Variants in CTNNA3 observed in about 807,000 individuals in gnomAD.
The protein encoded by CTNNA3 is catenin alpha 3.
Under a neutral mutation model 95.7 loss-of-function variants are expected in CTNNA3, and 76 were observed. That is an observed-to-expected ratio of 0.79 (90% CI 0.66 to 0.96). The LOEUF (loss-of-function observed/expected upper bound fraction) is 0.96. Among genes scored for constraint, CTNNA3 ranks in the 40% least tolerant of loss-of-function variants. The probability of loss-of-function intolerance (pLI) is 0.00; values close to 1 mark genes in which losing one functional copy is unlikely to be tolerated. For missense variants in CTNNA3, 1,191 were observed against 1,089.8 expected (o/e 1.09, Z -1.31); for synonymous variants, 431 against 374.4 (o/e 1.15, Z -1.74).
rs1398330004 is a variant in CTNNA3 at position 67,711,956 on chromosome 10, C to G, written c.-2+51478G>C. Among the ~76,000 whole-genome samples the G allele has an allele frequency of 2.0e-5, 3 of 152,094 alleles. No individual in the cohort carries two copies. The East Asian group carries it at 5.8e-4, about 29-fold the overall frequency. On this transcript the variant is annotated intron_variant, in intron 1 of 17. Coordinates refer to the CTNNA3 transcript ENST00000684154. ...GCATAGTATTCCAAACTAGTTCAAC[C>G]ATTGTGGAAGTCAGTGTGGAGATTC... is the stretch of plus-strand genomic sequence containing the variant.
intron 12 of CTNNA3, among the ~76,000 whole-genome samples, chr10:66,366,132 T>C (rs560241744): frequency 1.3e-5 from 2 of 152,248 alleles, no homozygotes; most frequent in African/African-American, 4.8e-5. Context: ...TCTGTTGCAG[T>C]TCTCAGTTTT....
intron 10 of CTNNA3, among the ~76,000 whole-genome samples, chr10:66,567,618 C>T (rs1238123310): frequency 6.6e-6 from 1 of 151,360 alleles, no homozygotes; most frequent in African/African-American, 2.4e-5. Context: ...GTCTCTGTCT[C>T]GGGGAAAAAA....
At chr10:66,432,433 T>G (rs572193907) in intron 11 of CTNNA3, among the ~76,000 whole-genome samples, 10 of 152,232 alleles carry the variant, frequency 6.6e-5, no homozygotes, top group Middle Eastern at 3.4e-3. Flanking sequence ...CCAAGGCAGG[T>G]GGATCACGAG....
intron 2 of CTNNA3, among the ~76,000 whole-genome samples, chr10:67,646,667 C>G (rs979068269): frequency 1.3e-5 from 2 of 151,926 alleles, no homozygotes; most frequent in African/African-American, 2.4e-5. Context: ...CCAAGTAACC[C>G]TTGGGTTCTT....
intron 5 of CTNNA3, among the ~76,000 whole-genome samples, chr10:67,325,948 G>T (rs904880002): frequency 6.6e-6 from 1 of 151,990 alleles, no homozygotes; most frequent in Non-Finnish European, 1.5e-5. Flanking sequence ...GGATCTTCTT[G>T]TTGACTTGAC....
chr10:67,712,772 C>T (rs774922905), intron 1 of CTNNA3, among the ~76,000 whole-genome samples: 2 of 152,144 alleles, frequency 1.3e-5, no homozygotes, highest in Non-Finnish European at 2.9e-5. Context: ...ACACCTTATA[C>T]AAAAACTAAC....
At position 67,140,635 on chromosome 10, in the gene CTNNA3, C is replaced by T. The variant is rs746856388; in HGVS notation, c.1047+39682G>A. Among the ~76,000 whole-genome samples the T allele has an allele frequency of 1.2e-4, 18 of 152,226 alleles. No individual in the cohort carries two copies. In the South Asian group the frequency reaches 1.9e-3, roughly 16 times the overall value. On this transcript the variant is annotated intron_variant, in intron 7 of 17. Transcript: ENST00000433211. ...AGCTAAAATGTATGAAAAGCAAACA[C>T]GTTTATTTTTAAACTTCAATATGGC... is the stretch of plus-strand genomic sequence containing the variant.
chr10:66,253,633 A>T (rs905232053), intron 13 of CTNNA3, among the ~76,000 whole-genome samples: 1 of 152,128 alleles, frequency 6.6e-6, no homozygotes, highest in Admixed American at 6.5e-5. Context: ...TGGTGCTATG[A>T]AGGTTTCTTT....
intron 13 of CTNNA3, among the ~76,000 whole-genome samples, chr10:66,192,494 A>G (rs2086732059): frequency 6.6e-6 from 1 of 152,212 alleles, no homozygotes; most frequent in Admixed American, 6.5e-5. Flanking sequence ...CCACAAGTTC[A>G]TAATGGTCTC....
intron 13 of CTNNA3, among the ~76,000 whole-genome samples, chr10:66,215,831 C>T (rs893031593): frequency 6.6e-6 from 1 of 152,216 alleles, no homozygotes; most frequent in Non-Finnish European, 1.5e-5. Context: ...AGGCACAAGT[C>T]ATGTCTTGAC....
intron 7 of CTNNA3, among the ~76,000 whole-genome samples, chr10:66,851,737 A>T (rs997114361): frequency 2.0e-5 from 3 of 151,954 alleles, no homozygotes; most frequent in Non-Finnish European, 4.4e-5. Flanking sequence ...TGGCCTTACC[A>T]GAAGCTGAGC....
chr10:66,204,615 G>T (rs1471384), intron 13 of CTNNA3, among the ~76,000 whole-genome samples: 125,656 of 152,118 alleles, frequency 0.83, 52,030 homozygotes, highest in South Asian at 0.92. Context: ...TATAAATGAC[G>T]AGTATCCCTG....
At chr10:67,205,824 C>T (rs533981510) in intron 6 of CTNNA3, among the ~76,000 whole-genome samples, 1 of 152,146 alleles carries the variant, frequency 6.6e-6, no homozygotes, top group Non-Finnish European at 1.5e-5. Context: ...AGACACGTTA[C>T]CATTTACTTT....
chr10:66,220,303 A>G (rs1466513897), intron 13 of CTNNA3, among the ~76,000 whole-genome samples: 1 of 152,156 alleles, frequency 6.6e-6, no homozygotes, highest in Non-Finnish European at 1.5e-5. Context: ...TTTGTAGAAC[A>G]TATCTCTAAC....
intron 9 of CTNNA3, among the ~76,000 whole-genome samples, chr10:66,701,424 T>A (rs1358531153): frequency 2.6e-5 from 4 of 152,172 alleles, no homozygotes; most frequent in Non-Finnish European, 5.9e-5. Context: ...CTCCATTAAA[T>A]CTACAGATCA....
chr10:66,379,157 C>G lies in CTNNA3; in HGVS notation c.1727G>C (p.Ser576Thr), dbSNP rs1354334037. 1.2e-6 allele frequency: 2 copies of G among 1,613,240 alleles called. No homozygotes were observed. The highest frequency in any genetic ancestry group is 3.3e-5 in the Admixed American group (2 of 59,980). Residue 576 changes from serine to threonine, a missense_variant, in exon 12 of 18, where the codon AGT becomes ACT. Physicochemically the swap from Ser to Thr is moderately conservative, Grantham distance 58. Transcript: ENST00000433211. Reference sequence around the variant, plus strand: ...GTTATTGGCAACTGACTTACCAGTACTTGTAAGGAAGTTAACATTTCTCAT... The same window carrying G: ...GTTATTGGCAACTGACTTACCAGTAGTTGTAAGGAAGTTAACATTTCTCAT... ...GVMRNVNFLT[S>T]TVIPEFVTQV...
intron 2 of CTNNA3, among the ~76,000 whole-genome samples, chr10:67,635,989 G>C (rs547103637): frequency 1.3e-5 from 2 of 152,204 alleles, no homozygotes; most frequent in Admixed American, 1.3e-4. Flanking sequence ...TAAAATCACC[G>C]TGCAAAAATT....
chr10:66,323,656 G>GA (rs150270297), intron 12 of CTNNA3, among the ~76,000 whole-genome samples: 43,133 of 132,842 alleles, frequency 0.32, 7,275 homozygotes, highest in Non-Finnish European at 0.4. Context: ...CATCTCAAAC[G>GA]AAAAAAAAAA....
At chr10:66,977,414 G>A (rs377641863) in intron 7 of CTNNA3, among the ~76,000 whole-genome samples, 34 of 140,836 alleles carry the variant, frequency 2.4e-4, no homozygotes, top group Middle Eastern at 7.1e-3. Context: ...CCAGCCTGGC[G>A]ATAGAGTGAA....
Sources: allele counts gnomAD v4.1 joint callset (sites outside exome capture counted in the v4.1 genomes callset), GRCh38; gene constraint gnomAD v4.1.1; transcripts MANE v1.5; gene names NCBI Gene and HGNC (gene_info 2026-07-23, HGNC 2026-07-21).